FOXJ2: variants seen among roughly 807,000 people sequenced by gnomAD.
The protein encoded by FOXJ2 is forkhead box protein J2.
Under a neutral mutation model 68.4 loss-of-function variants are expected in FOXJ2, and 18 were observed. That is an observed-to-expected ratio of 0.26 (90% CI 0.18 to 0.39). The LOEUF (loss-of-function observed/expected upper bound fraction) is 0.39. Among genes scored for constraint, FOXJ2 ranks in the 10% least tolerant of loss-of-function variants. The probability of loss-of-function intolerance (pLI) is 1.00; values close to 1 mark genes in which losing one functional copy is unlikely to be tolerated. For missense variants in FOXJ2, 670 were observed against 726.5 expected, an observed-to-expected ratio of 0.92 and a Z score of 0.89; for synonymous variants, 274 against 263.2, an observed-to-expected ratio of 1.04 and a Z score of -0.40.
rs970238811 is a variant in FOXJ2 at position 8,044,947 on chromosome 12, C to T, written c.806C>T (p.Ser269Phe). 1 of 1,614,174 alleles carries T rather than the reference C, an allele frequency of 6.2e-7. No individual in the cohort carries two copies. The highest frequency in any genetic ancestry group is 1.7e-5 in the Admixed American group (1 of 60,018). The change falls in exon 6 of 11, where the codon TCC (serine) becomes TTC (phenylalanine). Residue 269 changes from serine to phenylalanine, a missense_variant. By Grantham distance (155) the Ser-to-Phe change is radical. This residue lies in a region of FOXJ2 where 555 missense variants were observed against 562.2 expected (regional missense o/e 0.99). Coordinates refer to ENST00000162391, the MANE Select transcript of FOXJ2 (RefSeq NM_018416.3). ...TCCATGCTGGAGAAGTCCTCTTCCT[C>T]CTCTCAGCACGGTGAGTCTGGAGTT... Reference protein sequence around the residue: ...YKSMLEKSSSSSQHGFSSLLG... With the variant: ...YKSMLEKSSSFSQHGFSSLLG...
At chr12:8,052,707 G>A in intron 10 of FOXJ2, 55 bp from the exon 11 acceptor site, 1 of 1,454,188 alleles carries the variant, frequency 6.9e-7, no homozygotes, top group Non-Finnish European at 9.4e-7. Context: ...CTTGTAAATT[G>A]AGGGAACAGC....
In FOXJ2 at chr12:8,044,068, A is replaced by G; in HGVS notation, c.595A>G (p.Thr199Ala). ...GNPQMSLQSPTSIASYSQGTG... is the reference protein window; with the variant it reads ...GNPQMSLQSPASIASYSQGTG... ...TCCGCAGATGTCACTTCAGAGCCCC[A>G]CATCTATAGCCAGCTACAGCCAGGT... is the stretch of plus-strand genomic sequence containing the variant. The change falls in exon 5 of 11, where the codon ACA (threonine) becomes GCA (alanine). Residue 199 changes from threonine to alanine, a missense_variant. By Grantham distance (58) the Thr-to-Ala change is moderately conservative (BLOSUM62 0). This residue lies in a region of FOXJ2 where 555 missense variants were observed against 562.2 expected (regional missense o/e 0.99). Coordinates refer to ENST00000162391, the MANE Select transcript of FOXJ2 (RefSeq NM_018416.3). 1 of 1,558,580 alleles carries G rather than the reference A, an allele frequency of 6.4e-7. No individual in the cohort carries two copies. Among genetic ancestry groups the G allele is most frequent in the Non-Finnish European group, 8.7e-7 (1 of 1,155,158 alleles).
chr12:8,054,263 A>G lies in FOXJ2; in HGVS notation c.*1413A>G, dbSNP rs1184793199. 1.3e-5 allele frequency: 2 copies of G among 152,246 alleles called. No homozygotes were observed. The highest frequency in any genetic ancestry group is 6.5e-5 in the Admixed American group (1 of 15,284). 9.4% of individuals were successfully genotyped at this position (152,246 alleles called of 1,614,324 possible). On this transcript the variant is annotated 3_prime_UTR_variant, in exon 11 of 11. Coordinates refer to ENST00000162391, the MANE Select transcript of FOXJ2 (RefSeq NM_018416.3). Reference sequence around the variant, plus strand: ...CTCATCTCTTTTACAAGGGGTGGCCATGACTTACTGTTGCAAAGTACTCAG... The same window carrying G: ...CTCATCTCTTTTACAAGGGGTGGCCGTGACTTACTGTTGCAAAGTACTCAG...
chr12:8,049,924 G>A lies in FOXJ2; in HGVS notation c.1537+353G>A, dbSNP rs767449271. ...AATGGTGGTTCTATGCTTATGTGATGTTCAAACTAGTGAAATGAGAGAGAT... is the reference window on the plus strand; with the variant it reads ...AATGGTGGTTCTATGCTTATGTGATATTCAAACTAGTGAAATGAGAGAGAT... On this transcript the variant is annotated intron_variant, in intron 9 of 10. Transcript: ENST00000162391. 6 of 338,006 alleles carry A rather than the reference G, an allele frequency of 1.8e-5. No individual in the cohort carries two copies. The East Asian group carries it at 2.8e-4, about 16-fold the overall frequency. 20.9% of individuals were successfully genotyped at this position (338,006 alleles called of 1,614,324 possible).
chr12:8,040,202 C>A lies in FOXJ2; in HGVS notation c.333+37C>A. 1 of 1,586,308 alleles carries A rather than the reference C, an allele frequency of 6.3e-7. No homozygotes were observed. Among genetic ancestry groups the A allele is most frequent in the Non-Finnish European group, 8.6e-7 (1 of 1,160,386 alleles). ...TCTATAATCTTGGCTTAGGTTTAGG[C>A]TTCAACAGCCTTTTTAGAGAAAAAG... On this transcript the variant is annotated intron_variant, in intron 2 of 10. Transcript: ENST00000162391. The surrounding 1 kb of genome is among the most constrained non-coding windows in gnomAD (Gnocchi z 4.0).
In FOXJ2 at chr12:8,047,998, C is replaced by T; in HGVS notation, c.934C>T (p.Pro312Ser). The change falls in exon 7 of 11, where the codon CCC becomes TCC. Residue 312 changes from proline (P) to serine (S), a missense_variant. Physicochemically the swap from Pro to Ser is moderately conservative, Grantham distance 74. Transcript: ENST00000162391. ...GCAGCAGCAGCCGCCACAGCCACCT[C>T]CCCAGCAGTCCCAGCCACAGCAGCA... The part of the protein sequence containing the change: ...QQQQQPPQPP[P>S]QQSQPQQQQA... 5 of 1,613,994 alleles carry T rather than the reference C, an allele frequency of 3.1e-6. No individual in the cohort carries two copies. Among genetic ancestry groups the T allele is most frequent in the Non-Finnish European group, 4.2e-6 (5 of 1,179,954 alleles).
chr12:8,034,743 A>G (rs931682268), intron 1 of FOXJ2, among the ~76,000 whole-genome samples: 1 of 152,224 alleles, frequency 6.6e-6, no homozygotes, highest in Non-Finnish European at 1.5e-5. Context: ...AGTACCTAAT[A>G]GTCTCATCCT....
rs1946856741 is a variant in FOXJ2 at position 8,033,139 on chromosome 12, C to T, written c.-709C>T. On this transcript the variant is annotated 5_prime_UTR_variant, in exon 1 of 11. Coordinates refer to ENST00000162391, the MANE Select transcript of FOXJ2 (RefSeq NM_018416.3). ...AGGCGAGGAAGACCCCTGTACTGGC[C>T]GGGGAGGAGACCCCCAGAAGTGGAA... 2.8e-6 allele frequency: 1 copy of T among 351,198 alleles called. No homozygotes were observed. Among genetic ancestry groups the T allele is most frequent in the African/African-American group, 2.1e-5 (1 of 47,434 alleles). 21.8% of individuals were successfully genotyped at this position (351,198 alleles called of 1,614,324 possible).
chr12:8,041,524 T>C (rs1340086543), intron 2 of FOXJ2, among the ~76,000 whole-genome samples: 1 of 151,644 alleles, frequency 6.6e-6, no homozygotes, highest in Admixed American at 6.6e-5. Flanking sequence ...TTTTTTTTTT[T>C]TAATTTTAAG....
chr12:8,042,644 C>T lies in FOXJ2; in HGVS notation c.334-14C>T, dbSNP rs1481737460. On this transcript the variant is annotated splice_polypyrimidine_tract_variant and intron_variant, in intron 2 of 10. Transcript: ENST00000162391. ...CATAATGCTCAGGCCTAACTTGCTTCTCTGCCTCTCCAGAATTCAATACGG... is the reference window on the plus strand; with the variant it reads ...CATAATGCTCAGGCCTAACTTGCTTTTCTGCCTCTCCAGAATTCAATACGG... 1.2e-6 allele frequency: 2 copies of T among 1,613,630 alleles called. No individual in the cohort carries two copies. Among genetic ancestry groups the T allele is most frequent in the African/African-American group, 2.7e-5 (2 of 74,916 alleles).
intron 1 of FOXJ2, among the ~76,000 whole-genome samples, chr12:8,036,053 T>G (rs1946891268): frequency 6.6e-6 from 1 of 152,230 alleles, no homozygotes; most frequent in Admixed American, 6.5e-5. Flanking sequence ...GTATTCTCTT[T>G]TTTCCCCATT....
In FOXJ2 at chr12:8,044,796, G is replaced by A; in HGVS notation, c.655G>A (p.Gly219Arg). ...TGTGGATGGTGGAGCAGTGGCAGCA[G>A]GGGCTTCAGGCCGAGAAAGTGCTGA... The part of the protein sequence containing the change: ...GSVDGGAVAA[G>R]ASGRESAEGP... Residue 219 changes from glycine (G) to arginine (R), a missense_variant, in exon 6 of 11, where the codon GGG (glycine) becomes AGG (arginine). Gly to Arg is a moderately radical substitution (Grantham distance 125). Transcript: ENST00000162391. 1.9e-6 allele frequency: 3 copies of A among 1,613,946 alleles called. No homozygotes were observed. The highest frequency in any genetic ancestry group is 2.5e-6 in the Non-Finnish European group (3 of 1,179,862).
At chr12:8,052,262 G>A (rs921323687) in intron 10 of FOXJ2, among the ~76,000 whole-genome samples, 17 of 147,902 alleles carry the variant, frequency 1.1e-4, no homozygotes, top group African/African-American at 4.0e-4. Flanking sequence ...TCGCTCTATC[G>A]CCCAGGCTGG....
At position 8,033,739 on chromosome 12, in the gene FOXJ2, G is replaced by A. The variant is rs1001881564; in HGVS notation, c.-109G>A. 5.9e-5 allele frequency: 9 copies of A among 152,722 alleles called. No homozygotes were observed. The highest frequency in any genetic ancestry group is 1.9e-4 in the African/African-American group (8 of 41,430). The allele number at this position is 152,722 out of a possible 1,614,324, so 9.5% of individuals were successfully genotyped here. On this transcript the variant is annotated 5_prime_UTR_variant, in exon 1 of 11. Coordinates refer to ENST00000162391, the MANE Select transcript of FOXJ2 (RefSeq NM_018416.3). ...GTCCAGGAAGAGCCACTGAGGATGA[G>A]AGCCGTCACCTGCCTCTGAAGAGGG...
At chr12:8,044,500 G>A (rs1054875029) in intron 5 of FOXJ2, among the ~76,000 whole-genome samples, 7 of 152,196 alleles carry the variant, frequency 4.6e-5, no homozygotes, top group Non-Finnish European at 1.0e-4. Context: ...TTGAACCGGG[G>A]AGGTGGAGCC....
chr12:8,038,555 C>A lies in FOXJ2; in HGVS notation c.-14-1264C>A, dbSNP rs113383524. On this transcript the variant is annotated intron_variant, in intron 1 of 10. Coordinates refer to ENST00000162391, the MANE Select transcript of FOXJ2 (RefSeq NM_018416.3). The surrounding 1 kb of genome is among the most constrained non-coding windows in gnomAD (Gnocchi z 5.3). ...GAAGACAATGTTAGCTGGCATCTGG[C>A]GGCTGTGCAGGCACAAACCTGCTAG... Among the ~76,000 whole-genome samples, 1,710 of 152,274 alleles carry A rather than the reference C, an allele frequency of 0.011. 31 individuals are homozygous for A. The highest frequency in any genetic ancestry group is 0.039 in the African/African-American group (1,612 of 41,554).
rs777500295 is a variant in FOXJ2 at position 8,049,457 on chromosome 12, A to G, written c.1423A>G (p.Thr475Ala). Residue 475 changes from threonine to alanine, a missense_variant, in exon 9 of 11, where the codon ACT (threonine) becomes GCT (alanine). Thr to Ala is a moderately conservative substitution (Grantham distance 58). This residue lies in a region of FOXJ2 where 555 missense variants were observed against 562.2 expected (regional missense o/e 0.99). Coordinates refer to ENST00000162391, the MANE Select transcript of FOXJ2 (RefSeq NM_018416.3). Reference protein sequence around the residue: ...NLCDSLNHFLTQTGHVPPQGG... With the variant: ...NLCDSLNHFLAQTGHVPPQGG... Reference sequence around the variant, plus strand: ...GTGTGACTCCCTCAACCACTTCCTTACTCAGACTGGTCACGTGCCCCCTCA... The same window carrying G: ...GTGTGACTCCCTCAACCACTTCCTTGCTCAGACTGGTCACGTGCCCCCTCA... 6.2e-7 allele frequency: 1 copy of G among 1,614,044 alleles called. No homozygotes were observed. The highest frequency in any genetic ancestry group is 2.2e-5 in the East Asian group (1 of 44,878).
Position 8,051,120 on chromosome 12 carries a change from CCCTT to C in FOXJ2, c.1636+501_1636+504del, listed in dbSNP as rs1947120074. Among the ~76,000 whole-genome samples the C allele has an allele frequency of 1.2e-4, 7 of 58,650 alleles. No individual in the cohort carries two copies. In the South Asian group the frequency reaches 2.3e-3, roughly 19 times the overall value. 38.5% of individuals were successfully genotyped at this position (58,650 alleles called of 152,430 possible). A position where few individuals can be genotyped will look rare whatever the true frequency, so the allele number is the denominator to read the frequency against. On this transcript the variant is annotated intron_variant, in intron 10 of 10. Transcript: ENST00000162391. Reference sequence around the variant, plus strand: ...CTTCCCCTTCCCCTTCCCTTCCCTTCCCTTTCCCTTCCCCTTTTCTTTTCTTTTC... The same window carrying C: ...CTTCCCCTTCCCCTTCCCTTCCCTTCTCCCTTCCCCTTTTCTTTTCTTTTC...
chr12:8,038,796 G>A lies in FOXJ2; in HGVS notation c.-14-1023G>A, dbSNP rs1946928682. On this transcript the variant is annotated intron_variant, in intron 1 of 10. Transcript: ENST00000162391. This position sits in a 1 kb window ranked among gnomAD's most constrained non-coding sequence, Gnocchi z 5.3. ...GGCGTGCAAGCATCAGGCGTAGGCGGTCTGGCAGCTCCAGGAGTTTGCATG... is the reference window on the plus strand; with the variant it reads ...GGCGTGCAAGCATCAGGCGTAGGCGATCTGGCAGCTCCAGGAGTTTGCATG... 1.3e-5 allele frequency among the ~76,000 whole-genome samples: 2 copies of A among 152,240 alleles called. No individual in the cohort carries two copies. Among genetic ancestry groups the A allele is most frequent in the Admixed American group, 6.5e-5 (1 of 15,292 alleles).
Sources: gnomAD v4.1 joint callset for allele counts (sites outside exome capture counted in the v4.1 genomes callset) on GRCh38, gnomAD v4.1.1 for gene constraint, gnomAD v4.1.1 regional missense constraint, Gnocchi (gnomAD v3.1) non-coding constraint, MANE v1.5 for transcripts, NCBI Gene and HGNC (gene_info 2026-07-23, HGNC 2026-07-21) for gene names.